ADAMTSL3: variants seen among roughly 807,000 people sequenced by gnomAD.
The protein encoded by ADAMTSL3 is ADAMTS-like protein 3.
ADAMTSL3 carries 128 observed loss-of-function variants against 201.7 expected under a neutral mutation model. The observed-to-expected ratio is 0.63, with a 90% CI of 0.55 to 0.73. ADAMTSL3 has a LOEUF of 0.73. Ranked by LOEUF, ADAMTSL3 falls within the 30% of genes least tolerant of loss-of-function variation. The pLI, the probability that ADAMTSL3 is intolerant of heterozygous loss-of-function variation, is 0.00. For synonymous variants in ADAMTSL3, 738 were observed against 748.4 expected (o/e 0.99, Z 0.23); for missense variants, 1,990 against 2,119.6 (o/e 0.94, Z 1.20).
intron 28 of ADAMTSL3, among the ~76,000 whole-genome samples, chr15:84,034,294 C>T (rs1161301236): frequency 6.6e-6 from 1 of 152,072 alleles, no homozygotes; most frequent in African/African-American, 2.4e-5. Flanking sequence ...GGACAGGGAG[C>T]AATGGAGACC....
chr15:83,658,997 C>T (rs943336680), intron 2 of ADAMTSL3, among the ~76,000 whole-genome samples: 3 of 152,288 alleles, frequency 2.0e-5, no homozygotes, highest in African/African-American at 4.8e-5. Context: ...ATGTGGCTTG[C>T]GATTATCTCT....
At chr15:83,686,756 ACTT>A (rs2061542042) in intron 2 of ADAMTSL3, among the ~76,000 whole-genome samples, 1 of 152,178 alleles carries the variant, frequency 6.6e-6, no homozygotes, top group African/African-American at 2.4e-5. Flanking sequence ...CACTTGCCTG[ACTT>A]AAATCAGTGC....
chr15:83,880,746 A>G (rs1209227229), intron 9 of ADAMTSL3, among the ~76,000 whole-genome samples: 4 of 152,324 alleles, frequency 2.6e-5, no homozygotes, highest in East Asian at 3.9e-4. Flanking sequence ...TACTTATGTT[A>G]TAATCATAGG....
At chr15:83,718,698 A>G (rs559098357) in intron 3 of ADAMTSL3, among the ~76,000 whole-genome samples, 5 of 152,116 alleles carry the variant, frequency 3.3e-5, no homozygotes, top group African/African-American at 1.2e-4. Context: ...CTCAAAAAAA[A>G]AAAAAAAAAA....
chr15:83,905,879 CA>C (rs2065822411), intron 15 of ADAMTSL3, among the ~76,000 whole-genome samples: 1 of 152,002 alleles, frequency 6.6e-6, no homozygotes, highest in South Asian at 2.1e-4. Flanking sequence ...ATACGTTCAT[CA>C]AAATCAGGAG....
chr15:83,779,314 C>G (rs1404458003), intron 4 of ADAMTSL3, among the ~76,000 whole-genome samples: 1 of 152,160 alleles, frequency 6.6e-6, no homozygotes, highest in African/African-American at 2.4e-5. Flanking sequence ...AATATACATT[C>G]TTCTCATCAC....
intron 2 of ADAMTSL3, among the ~76,000 whole-genome samples, chr15:83,702,658 G>A (rs1230187718): frequency 6.6e-6 from 1 of 152,222 alleles, no homozygotes; most frequent in African/African-American, 2.4e-5. Context: ...GCCTGCAACA[G>A]AAGTCAAGAA....
intron 3 of ADAMTSL3, among the ~76,000 whole-genome samples, chr15:83,715,939 A>G (rs2062011640): frequency 6.6e-6 from 1 of 152,166 alleles, no homozygotes; most frequent in African/African-American, 2.4e-5. Context: ...TCTTCCAGGT[A>G]GTTTTCAGTG....
chr15:83,766,110 A>G (rs1021170956), intron 3 of ADAMTSL3, among the ~76,000 whole-genome samples: 1 of 152,164 alleles, frequency 6.6e-6, no homozygotes, highest in Non-Finnish European at 1.5e-5. Flanking sequence ...GTTCAGTGGA[A>G]AGTCTATCCC....
intron 19 of ADAMTSL3, among the ~76,000 whole-genome samples, chr15:83,953,597 A>G (rs1596462017): frequency 6.6e-6 from 1 of 152,124 alleles, no homozygotes. Flanking sequence ...ATAATATTCC[A>G]TGATTTTCTG....
intron 20 of ADAMTSL3, among the ~76,000 whole-genome samples, chr15:83,975,678 C>T (rs937230191): frequency 3.9e-5 from 6 of 152,086 alleles, no homozygotes; most frequent in Admixed American, 1.3e-4. Context: ...GTCTGTTCAT[C>T]GGGCCCACAT....
At chr15:83,888,426 G>A (rs1259833418) in intron 10 of ADAMTSL3, among the ~76,000 whole-genome samples, 1 of 151,894 alleles carries the variant, frequency 6.6e-6, no homozygotes, top group African/African-American at 2.4e-5. Context: ...GACTCAAGGA[G>A]CTGTAATCTC....
chr15:83,671,909 C>G (rs753155770), intron 2 of ADAMTSL3, among the ~76,000 whole-genome samples: 2 of 152,188 alleles, frequency 1.3e-5, no homozygotes, highest in African/African-American at 4.8e-5. Flanking sequence ...ATTCTGCTTT[C>G]CAATTTGCTG....
Position 83,800,477 on chromosome 15 carries a change from A to G in ADAMTSL3, c.318-4173A>G, listed in dbSNP as rs116796310. ...TTGCTCTACACATGGTCTACACTGA[A>G]GGCCTGAGACACAGCCATAAGATAC... On this transcript the variant is annotated intron_variant, in intron 4 of 29. Coordinates refer to ENST00000286744, the MANE Select transcript of ADAMTSL3 (RefSeq NM_207517.3). 9.7e-3 allele frequency among the ~76,000 whole-genome samples: 1,480 copies of G among 152,258 alleles called. 22 individuals are homozygous for G. Among genetic ancestry groups the G allele is most frequent in the African/African-American group, 0.033 (1,391 of 41,550 alleles).
intron 19 of ADAMTSL3, among the ~76,000 whole-genome samples, chr15:83,967,899 C>G (rs1039716207): frequency 6.6e-6 from 1 of 152,196 alleles, no homozygotes; most frequent in African/African-American, 2.4e-5. Context: ...ACCATCTGAT[C>G]TTTGACAAAC....
intron 3 of ADAMTSL3, among the ~76,000 whole-genome samples, chr15:83,770,291 T>C (rs2141736816): frequency 6.6e-6 from 1 of 152,324 alleles, no homozygotes; most frequent in Non-Finnish European, 1.5e-5. Context: ...GTAATAAAAC[T>C]GGCATTTAAC....
chr15:83,773,842 T>C (rs2063028039), intron 4 of ADAMTSL3, among the ~76,000 whole-genome samples, 192 bp downstream of exon 4: 1 of 152,220 alleles, frequency 6.6e-6, no homozygotes, highest in Non-Finnish European at 1.5e-5. Context: ...GGTGTGGCCA[T>C]GTTGCGCACA....
intron 26 of ADAMTSL3, 37 bp from the exon 27 acceptor site, chr15:84,025,200 AC>A: frequency 6.5e-7 from 1 of 1,534,324 alleles, no homozygotes; most frequent in Non-Finnish European, 8.8e-7. Flanking sequence ...GATCTGGCAT[AC>A]CAGTCCTTAC....
chr15:83,988,641 G>A (rs755857203), intron 21 of ADAMTSL3, 50 bp from the exon 22 acceptor site: 18 of 1,480,892 alleles, frequency 1.2e-5, no homozygotes, highest in Non-Finnish European at 1.6e-5. Context: ...TGTAGCCCTA[G>A]GTCAGTTAAA....
Sources: gnomAD v4.1 joint callset for allele counts (sites outside exome capture counted in the v4.1 genomes callset) on GRCh38, gnomAD v4.1.1 for gene constraint, MANE v1.5 for transcripts, NCBI Gene and HGNC (gene_info 2026-07-23, HGNC 2026-07-21) for gene names.